Variants in MACROD2 observed in about 807,000 individuals in gnomAD.
The protein encoded by MACROD2 is ADP-ribose glycohydrolase MACROD2.
MACROD2 carries 36 observed loss-of-function variants against 70.4 expected under a neutral mutation model. The observed-to-expected ratio is 0.51, with a 90% CI of 0.39 to 0.68. The LOEUF is 0.68. Among genes scored for constraint, MACROD2 ranks in the 30% least tolerant of loss-of-function variants. The probability of loss-of-function intolerance (pLI) is 0.00; values close to 1 mark genes in which losing one functional copy is unlikely to be tolerated. For missense variants in MACROD2, 496 were observed against 538.4 expected (o/e 0.92, Z 0.78); for synonymous variants, 172 against 178.8 (o/e 0.96, Z 0.30).
intron 2 of MACROD2, among the ~76,000 whole-genome samples, chr20:14,080,299 C>A (rs1452826233): frequency 1.3e-5 from 2 of 151,354 alleles, no homozygotes; most frequent in African/African-American, 4.9e-5. Context: ...AAAAATTAGC[C>A]GGGTGTGGTG....
intron 6 of MACROD2, among the ~76,000 whole-genome samples, chr20:15,283,964 T>G (rs1740955891): frequency 6.6e-6 from 1 of 152,216 alleles, no homozygotes; most frequent in South Asian, 2.1e-4. Context: ...TGGATTATTC[T>G]GAAGCAATTC....
At chr20:14,301,648 C>G (rs2082476082) in intron 3 of MACROD2, among the ~76,000 whole-genome samples, 1 of 152,180 alleles carries the variant, frequency 6.6e-6, no homozygotes, top group Non-Finnish European at 1.5e-5. Context: ...TCTATTGATT[C>G]TCACTTTTCT....
At chr20:15,966,831 A>T (rs2066147348) in intron 12 of MACROD2, among the ~76,000 whole-genome samples, 1 of 152,194 alleles carries the variant, frequency 6.6e-6, no homozygotes, top group South Asian at 2.1e-4. Flanking sequence ...CATTCACAGG[A>T]TCATTCCAGT....
chr20:14,791,229 A>G (rs1428214370), intron 5 of MACROD2, among the ~76,000 whole-genome samples: 7 of 152,152 alleles, frequency 4.6e-5, no homozygotes, highest in African/African-American at 1.4e-4. Context: ...TCATGCATCT[A>G]GACATTTGAG....
intron 4 of MACROD2, among the ~76,000 whole-genome samples, chr20:14,673,324 T>C (rs1402147444): frequency 1.3e-5 from 2 of 152,206 alleles, no homozygotes; most frequent in Non-Finnish European, 2.9e-5. Flanking sequence ...CTCATCACTT[T>C]CTGGAGCTGT....
intron 3 of MACROD2, among the ~76,000 whole-genome samples, chr20:14,203,001 C>T (rs965446669): frequency 2.6e-5 from 4 of 151,334 alleles, no homozygotes; most frequent in Non-Finnish European, 4.4e-5. Context: ...GAGCTGAGAT[C>T]GTGTCATTGC....
chr20:16,027,045 A>G (rs2067090859), intron 15 of MACROD2, among the ~76,000 whole-genome samples: 1 of 152,188 alleles, frequency 6.6e-6, no homozygotes, highest in Non-Finnish European at 1.5e-5. Context: ...AGTATGTGTG[A>G]TATTGCTTTG....
chr20:15,260,720 A>G (rs568456218), intron 6 of MACROD2, among the ~76,000 whole-genome samples: 1 of 152,046 alleles, frequency 6.6e-6, no homozygotes, highest in Admixed American at 6.6e-5. Context: ...ACCAGCTTAC[A>G]TTCCCTCACA....
At chr20:14,596,412 C>CATATATATATATATATATATAT (rs5840627) in intron 4 of MACROD2, among the ~76,000 whole-genome samples, 12 of 143,022 alleles carry the variant, frequency 8.4e-5, no homozygotes, top group African/African-American at 3.1e-4. Context: ...ATTTTTTAAA[C>CATATATATATATATATATATAT]ATATATATAT....
At chr20:14,011,677 C>T (rs1293050143) in intron 2 of MACROD2, among the ~76,000 whole-genome samples, 2 of 151,836 alleles carry the variant, frequency 1.3e-5, no homozygotes, top group Non-Finnish European at 2.9e-5. Flanking sequence ...TCCAGGCGCC[C>T]GCCACCACAC....
rs75966242 is a variant in MACROD2 at position 15,854,264 on chromosome 20, G to A, written c.646-8481G>A. Among the ~76,000 whole-genome samples the A allele has an allele frequency of 7.1e-3, 1,077 of 152,250 alleles. 14 individuals carry two copies. The East Asian group carries it at 0.078, about 11-fold the overall frequency. ...GGTGGGAGGTAGAGAAAGTGATAGA[G>A]GCACACTCTTGCTGGCGTGGAAGAA... On this transcript the variant is annotated intron_variant, in intron 8 of 17. Coordinates refer to ENST00000684519, the MANE Select transcript of MACROD2 (RefSeq NM_001351661.2).
At chr20:14,492,817 C>T (rs2084809657) in intron 3 of MACROD2, among the ~76,000 whole-genome samples, 1 of 152,000 alleles carries the variant, frequency 6.6e-6, no homozygotes, top group African/African-American at 2.4e-5. Context: ...TCAGCAGAAA[C>T]CTGCAATGGA....
chr20:15,220,843 G>A (rs2076854165), intron 5 of MACROD2, among the ~76,000 whole-genome samples: 1 of 152,206 alleles, frequency 6.6e-6, no homozygotes, highest in Non-Finnish European at 1.5e-5. Context: ...TGAGAGTCAT[G>A]GAACAATTGC....
intron 3 of MACROD2, chr20:14,127,718 A>G: frequency 7.2e-6 from 3 of 419,086 alleles, no homozygotes; most frequent in Non-Finnish European, 1.4e-5. Flanking sequence ...TACAATCTAC[A>G]CCAGTAACAA....
At chr20:14,242,207 A>G (rs940786702) in intron 3 of MACROD2, among the ~76,000 whole-genome samples, 1 of 152,142 alleles carries the variant, frequency 6.6e-6, no homozygotes, top group Non-Finnish European at 1.5e-5. Context: ...AAATGTTTGG[A>G]TTCATCTTCC....
chr20:15,082,887 A>G (rs1429539103), intron 5 of MACROD2, among the ~76,000 whole-genome samples: 1 of 152,182 alleles, frequency 6.6e-6, no homozygotes, highest in Non-Finnish European at 1.5e-5. Flanking sequence ...AGGGTAAAAA[A>G]TAAGTTTTTG....
chr20:14,376,546 A>G (rs901268070), intron 3 of MACROD2, among the ~76,000 whole-genome samples: 1 of 152,040 alleles, frequency 6.6e-6, no homozygotes, highest in Non-Finnish European at 1.5e-5. Flanking sequence ...CTGGAGTTCA[A>G]GACCAACCTG....
chr20:14,825,649 A>T (rs941323261), intron 5 of MACROD2, among the ~76,000 whole-genome samples: 6 of 152,160 alleles, frequency 3.9e-5, no homozygotes, highest in African/African-American at 1.4e-4. Flanking sequence ...TTAGTTACTT[A>T]TCAAACCATT....
At chr20:15,057,142 T>C (rs1226996218) in intron 5 of MACROD2, among the ~76,000 whole-genome samples, 2 of 152,186 alleles carry the variant, frequency 1.3e-5, no homozygotes, top group Non-Finnish European at 2.9e-5. Flanking sequence ...TTATATGATA[T>C]CAATAATGAC....
Sources: allele counts gnomAD v4.1 joint callset (sites outside exome capture counted in the v4.1 genomes callset), GRCh38; gene constraint gnomAD v4.1.1; transcripts MANE v1.5; gene names NCBI Gene and HGNC (gene_info 2026-07-23, HGNC 2026-07-21).